Variants in PDE10A observed in about 807,000 individuals in gnomAD.
PDE10A encodes cAMP and cAMP-inhibited cGMP 3',5'-cyclic phosphodiesterase 10A.
Under a neutral mutation model 97.7 loss-of-function variants are expected in PDE10A, and 39 were observed. The ratio of observed to expected loss-of-function variants is 0.40; its 90% CI spans 0.31 to 0.52. The LOEUF (loss-of-function observed/expected upper bound fraction) is 0.52, where lower values mean the gene tolerates loss of function less well. Among genes scored for constraint, PDE10A ranks in the 20% least tolerant of loss-of-function variants. The pLI, the probability that PDE10A is intolerant of heterozygous loss-of-function variation, is 0.56. For missense variants in PDE10A, 731 were observed against 1,047.8 expected (o/e 0.70, Z 4.17); for synonymous variants, 371 against 376.8 (o/e 0.98, Z 0.18).
At chr6:165,411,280 A>AG (rs1787805223) in intron 13 of PDE10A, among the ~76,000 whole-genome samples, 1 of 151,850 alleles carries the variant, frequency 6.6e-6, no homozygotes, top group African/African-American at 2.4e-5. Context: ...TTCATGTATT[A>AG]AAGCCTAAGC....
intron 1 of PDE10A, among the ~76,000 whole-genome samples, chr6:165,896,004 C>T (rs968037286): frequency 6.6e-6 from 1 of 152,176 alleles, no homozygotes; most frequent in African/African-American, 2.4e-5. Flanking sequence ...TGGCTGGATC[C>T]GACTCTCCCA....
intron 1 of PDE10A, among the ~76,000 whole-genome samples, chr6:165,827,285 G>T (rs1779789122): frequency 6.6e-6 from 1 of 152,186 alleles, no homozygotes; most frequent in Admixed American, 6.5e-5. Context: ...GCGGCTGCCC[G>T]CTGGGGAGGT....
At chr6:165,607,499 G>C (rs1787268199) in intron 1 of PDE10A, among the ~76,000 whole-genome samples, 1 of 152,124 alleles carries the variant, frequency 6.6e-6, no homozygotes, top group South Asian at 2.1e-4. Flanking sequence ...GCCACACACA[G>C]AGCCTAGGTG....
chr6:165,445,183 G>C (rs926060790), intron 5 of PDE10A, among the ~76,000 whole-genome samples: 1 of 152,190 alleles, frequency 6.6e-6, no homozygotes, highest in Non-Finnish European at 1.5e-5. Context: ...TATTTTAGAA[G>C]TGTATCTTCT....
chr6:165,477,299 A>C lies in PDE10A; in HGVS notation c.1023+5016T>G, dbSNP rs572126965. 7.2e-4 allele frequency among the ~76,000 whole-genome samples: 88 copies of C among 121,716 alleles called. 1 individual carries two copies. Among genetic ancestry groups the C allele is most frequent in the African/African-American group, 2.6e-3 (86 of 32,982 alleles). 79.9% of individuals were successfully genotyped at this position (121,716 alleles called of 152,430 possible). On this transcript the variant is annotated intron_variant, in intron 3 of 21. Coordinates refer to ENST00000539869, the MANE Select transcript of PDE10A (RefSeq NM_001385079.1). ...CTTCACTTCCCTTAGGTTTTTCCTCAAATGTGTTCCCAGTGAGCCAAGCTT... is the reference window on the plus strand; with the variant it reads ...CTTCACTTCCCTTAGGTTTTTCCTCCAATGTGTTCCCAGTGAGCCAAGCTT...
chr6:165,530,684 A>G (rs1782725805), intron 2 of PDE10A, among the ~76,000 whole-genome samples: 1 of 152,206 alleles, frequency 6.6e-6, no homozygotes, highest in Admixed American at 6.5e-5. Flanking sequence ...TTGATGCTCC[A>G]CAAACGTAAT....
chr6:165,971,167 C>T (rs1217292234), intron 1 of PDE10A, among the ~76,000 whole-genome samples: 1 of 151,830 alleles, frequency 6.6e-6, no homozygotes, highest in African/African-American at 2.4e-5. Context: ...TTCCAATTTG[C>T]TTTTTGAACC....
intron 1 of PDE10A, among the ~76,000 whole-genome samples, chr6:165,732,915 C>T (rs930246030): frequency 1.3e-5 from 2 of 152,202 alleles, no homozygotes; most frequent in Non-Finnish European, 2.9e-5. Context: ...CTCTCCTTCG[C>T]GTGCTGGTTT....
chr6:165,418,306 G>A lies in PDE10A; in HGVS notation c.1796+329C>T, dbSNP rs2128230307. ...TTGCATAAGCACACCTTTTCTCTTG[G>A]ACATGGGAAAACCTGCAGATTCCAG... On this transcript the variant is annotated intron_variant, in intron 11 of 21. Coordinates refer to ENST00000539869, the MANE Select transcript of PDE10A (RefSeq NM_001385079.1). This position sits in a 1 kb window ranked among gnomAD's most constrained non-coding sequence, Gnocchi z 4.8. Among the ~76,000 whole-genome samples, 1 of 152,298 alleles carries A rather than the reference G, an allele frequency of 6.6e-6. No homozygotes were observed. The highest frequency in any genetic ancestry group is 2.4e-5 in the African/African-American group (1 of 41,574).
chr6:165,448,240 T>C (rs1158230574), intron 5 of PDE10A, among the ~76,000 whole-genome samples: 1 of 152,242 alleles, frequency 6.6e-6, no homozygotes, highest in African/African-American at 2.4e-5. Flanking sequence ...TGGCTCAGAT[T>C]ATGCTAAAAT....
At chr6:165,335,256 C>A (rs528509366) in intron 21 of PDE10A, among the ~76,000 whole-genome samples, 29 of 152,104 alleles carry the variant, frequency 1.9e-4, no homozygotes, top group African/African-American at 6.5e-4. Flanking sequence ...GAGAAAAAGA[C>A]TTAAAGAGGA....
chr6:165,637,081 G>A (rs1788913624), intron 1 of PDE10A, among the ~76,000 whole-genome samples: 1 of 152,128 alleles, frequency 6.6e-6, no homozygotes, highest in Non-Finnish European at 1.5e-5. Flanking sequence ...ACTGCTTGAT[G>A]AACAAGGGTA....
chr6:165,618,962 GAC>G (rs1248781220), intron 1 of PDE10A, among the ~76,000 whole-genome samples: 3 of 92,426 alleles, frequency 3.2e-5, no homozygotes, highest in South Asian at 5.6e-4. Flanking sequence ...GTGCAGTGTA[GAC>G]TAGTGTAGTG....
upstream of PDE10A, among the ~76,000 whole-genome samples, chr6:165,666,983 C>T (rs568512469): frequency 9.9e-5 from 15 of 152,240 alleles, no homozygotes; most frequent in Admixed American, 2.0e-4. Context: ...TACAAATTTC[C>T]ATTACTATTG....
chr6:165,972,766 GC>G (rs1290812792), intron 1 of PDE10A, among the ~76,000 whole-genome samples: 4 of 152,144 alleles, frequency 2.6e-5, no homozygotes, highest in Non-Finnish European at 5.9e-5. Flanking sequence ...TCGCCAAGAG[GC>G]CAGAACAATT....
chr6:165,927,182 G>A (rs1782963378), intron 1 of PDE10A, among the ~76,000 whole-genome samples: 4 of 152,178 alleles, frequency 2.6e-5, no homozygotes, highest in Admixed American at 2.0e-4. Context: ...AAACCTGCAC[G>A]TCTTGCACAT....
chr6:165,392,820 G>A, intron 15 of PDE10A, 24 bp from the exon 16 acceptor site: 1 of 1,609,888 alleles, frequency 6.2e-7, no homozygotes, highest in Non-Finnish European at 8.5e-7. Context: ...AAATTGTTAT[G>A]ACTGAAACCA....
rs138297801 is a variant in PDE10A, at chr6:165,474,104, G to C, written c.1023+8211C>G. 6.2e-4 allele frequency among the ~76,000 whole-genome samples: 95 copies of C among 152,206 alleles called. 2 individuals carry two copies. In the East Asian group the frequency reaches 0.017, roughly 27 times the overall value. On this transcript the variant is annotated intron_variant, in intron 3 of 21. Transcript: ENST00000539869. ...TTGATTATGTTAATCCTCCTTTTTG[G>C]GGGAATGTCTTTTATAGAGTTCTCT... is the stretch of plus-strand genomic sequence containing the variant.
chr6:165,903,996 T>C (rs1434313730), intron 1 of PDE10A, among the ~76,000 whole-genome samples: 2 of 152,020 alleles, frequency 1.3e-5, no homozygotes, highest in Non-Finnish European at 2.9e-5. Context: ...CTGGCTGCAA[T>C]GGGCCAAGGA....
Sources: gnomAD v4.1 joint callset for allele counts (sites outside exome capture counted in the v4.1 genomes callset) on GRCh38, gnomAD v4.1.1 for gene constraint, Gnocchi (gnomAD v3.1) non-coding constraint, MANE v1.5 for transcripts, NCBI Gene and HGNC (gene_info 2026-07-23, HGNC 2026-07-21) for gene names.